RSRC1: variants seen among roughly 807,000 people sequenced by gnomAD.
The protein encoded by RSRC1 is arginine and serine rich coiled-coil 1.
A neutral mutation model predicts 49.1 loss-of-function variants in RSRC1; 39 were observed. That is an observed-to-expected ratio of 0.79 (90% CI 0.61 to 1.04). The LOEUF (loss-of-function observed/expected upper bound fraction) is 1.04. RSRC1 is among the 50% of genes least tolerant of loss of function. The pLI is 0.00. For missense variants in RSRC1, 388 were observed against 402.4 expected, an observed-to-expected ratio of 0.96 and a Z score of 0.31; for synonymous variants, 143 against 130.8, an observed-to-expected ratio of 1.09 and a Z score of -0.63.
intron 7 of RSRC1, among the ~76,000 whole-genome samples, chr3:158,514,234 G>C (rs1242767727): frequency 1.3e-5 from 2 of 152,136 alleles, no homozygotes; most frequent in Non-Finnish European, 2.9e-5. Flanking sequence ...GATCTTTCCT[G>C]CTTTCTCTTG....
At chr3:158,238,548 A>G (rs763494269) in intron 4 of RSRC1, among the ~76,000 whole-genome samples, 19 of 152,070 alleles carry the variant, frequency 1.2e-4, no homozygotes, top group Admixed American at 2.6e-4. Flanking sequence ...AACAGAGGCC[A>G]CAGAAATAAC....
At chr3:158,350,440 C>G (rs1250727056) in intron 5 of RSRC1, among the ~76,000 whole-genome samples, 1 of 152,024 alleles carries the variant, frequency 6.6e-6, no homozygotes, top group African/African-American at 2.4e-5. Flanking sequence ...TCCCAAAGTG[C>G]TAGATTACGG....
chr3:158,210,964 A>G (rs1038688592), intron 4 of RSRC1, among the ~76,000 whole-genome samples: 16 of 151,980 alleles, frequency 1.1e-4, no homozygotes, highest in African/African-American at 3.9e-4. Context: ...TGATTGCTCG[A>G]CTGTGAAAGC....
intron 4 of RSRC1, among the ~76,000 whole-genome samples, 194 bp downstream of exon 4, chr3:158,203,439 G>T (rs954400296): frequency 3.9e-5 from 6 of 152,034 alleles, no homozygotes; most frequent in Middle Eastern, 3.2e-3. Flanking sequence ...TTTTACTGTG[G>T]TACATTTTCA....
chr3:158,533,573 T>G (rs1400021827), intron 7 of RSRC1, among the ~76,000 whole-genome samples: 1 of 151,706 alleles, frequency 6.6e-6, no homozygotes, highest in Non-Finnish European at 1.5e-5. Context: ...TGAGGTCACC[T>G]CTGACATTTA....
At chr3:158,218,154 C>T (rs1404247830) in intron 4 of RSRC1, among the ~76,000 whole-genome samples, 1 of 151,608 alleles carries the variant, frequency 6.6e-6, no homozygotes, top group Non-Finnish European at 1.5e-5. Context: ...GGATTTTGGT[C>T]TCTATCTTAA....
At chr3:158,441,989 A>G (rs970734504) in intron 6 of RSRC1, among the ~76,000 whole-genome samples, 8 of 152,276 alleles carry the variant, frequency 5.3e-5, no homozygotes, top group South Asian at 2.1e-4. Flanking sequence ...ACCAGTGCAT[A>G]TAAAAGTTAT....
At chr3:158,255,487 G>T (rs952489797) in intron 4 of RSRC1, among the ~76,000 whole-genome samples, 1 of 152,194 alleles carries the variant, frequency 6.6e-6, no homozygotes, top group Admixed American at 6.5e-5. Flanking sequence ...ATAGTTTGAA[G>T]TCAGGTAGCA....
intron 4 of RSRC1, among the ~76,000 whole-genome samples, chr3:158,235,296 C>G (rs1723181071): frequency 6.6e-6 from 1 of 152,052 alleles, no homozygotes; most frequent in South Asian, 2.1e-4. Context: ...GCAAATAACC[C>G]TGATTACTTT....
intron 7 of RSRC1, among the ~76,000 whole-genome samples, chr3:158,478,879 AGAGTT>A (rs1578527264): frequency 6.6e-6 from 1 of 150,798 alleles, no homozygotes; most frequent in Non-Finnish European, 1.5e-5. Flanking sequence ...TCTAGGGAAA[AGAGTT>A]GAGAGTACTA....
At chr3:158,294,767 C>A (rs773857610) in intron 4 of RSRC1, among the ~76,000 whole-genome samples, 6 of 152,138 alleles carry the variant, frequency 3.9e-5, no homozygotes, top group African/African-American at 1.4e-4. Flanking sequence ...CATACAGGCA[C>A]CTGTGCCTTC....
chr3:158,381,306 T>G (rs1732684314), intron 6 of RSRC1, among the ~76,000 whole-genome samples: 1 of 152,220 alleles, frequency 6.6e-6, no homozygotes, highest in African/African-American at 2.4e-5. Flanking sequence ...CCACCTCCTG[T>G]TGCTATTGTG....
chr3:158,432,447 C>A (rs73877207), intron 6 of RSRC1, among the ~76,000 whole-genome samples: 11,136 of 151,874 alleles, frequency 0.073, 479 homozygotes, highest in South Asian at 0.13. Context: ...TTTTATCTGT[C>A]GATTTTTACC....
At chr3:158,234,324 T>C (rs913930581) in intron 4 of RSRC1, among the ~76,000 whole-genome samples, 2 of 152,166 alleles carry the variant, frequency 1.3e-5, no homozygotes, top group African/African-American at 2.4e-5. Context: ...GTTAAACTGA[T>C]AATCAGAAAC....
intron 6 of RSRC1, among the ~76,000 whole-genome samples, chr3:158,432,650 T>C (rs1735828515): frequency 6.6e-6 from 1 of 151,974 alleles, no homozygotes; most frequent in Non-Finnish European, 1.5e-5. Flanking sequence ...ACTGAGACTT[T>C]TTATGAAGAT....
At chr3:158,349,662 C>T (rs1287791245) in intron 5 of RSRC1, among the ~76,000 whole-genome samples, 1 of 145,944 alleles carries the variant, frequency 6.9e-6, no homozygotes, top group Non-Finnish European at 1.5e-5. Context: ...TAAAGACTTA[C>T]ACTAAAAGTT....
chr3:158,429,883 G>A (rs1265937469), intron 6 of RSRC1, among the ~76,000 whole-genome samples: 4 of 151,554 alleles, frequency 2.6e-5, no homozygotes, highest in Non-Finnish European at 5.9e-5. Context: ...GTGGGGAGTG[G>A]GAAATAGGAA....
rs776195319 is a variant in RSRC1 at position 158,122,221 on chromosome 3, A to T, written c.117A>T (p.Lys39Asn). ...SSDSRTYSRK[K>N]GGRKSRSKSR... ...ATAGTAGAACATACAGCCGAAAGAAAGGAGGAAGGAAATCAAGATCAAAGT... is the reference window on the plus strand; with the variant it reads ...ATAGTAGAACATACAGCCGAAAGAATGGAGGAAGGAAATCAAGATCAAAGT... Residue 39 changes from lysine to asparagine, a missense_variant, in exon 2 of 10, where the codon AAA becomes AAT. Transcript: ENST00000611884. The T allele has an allele frequency of 1.2e-6, 2 of 1,607,158 alleles. No homozygotes were observed. The highest frequency in any genetic ancestry group is 1.7e-6 in the Non-Finnish European group (2 of 1,176,102).
intron 3 of RSRC1, among the ~76,000 whole-genome samples, chr3:158,177,493 G>C (rs1375899807): frequency 1.3e-5 from 2 of 152,096 alleles, no homozygotes; most frequent in Non-Finnish European, 2.9e-5. Context: ...TCCTTTGCAG[G>C]GACATGGATG....
Sources: gnomAD v4.1 joint callset for allele counts (sites outside exome capture counted in the v4.1 genomes callset) on GRCh38, gnomAD v4.1.1 for gene constraint, MANE v1.5 for transcripts, NCBI Gene and HGNC (gene_info 2026-07-23, HGNC 2026-07-21) for gene names.